The following RNF150 variants were observed in gnomAD, a reference collection of about 807,000 sequenced individuals.
RNF150 encodes the protein ring finger protein 150.
Under a neutral mutation model 39.3 loss-of-function variants are expected in RNF150, and 24 were observed. That is an observed-to-expected ratio of 0.61 (90% CI 0.44 to 0.86). The LOEUF (loss-of-function observed/expected upper bound fraction) is 0.86. Among genes scored for constraint, RNF150 ranks in the 40% least tolerant of loss-of-function variants. The probability of loss-of-function intolerance (pLI) is 0.00; values close to 1 mark genes in which losing one functional copy is unlikely to be tolerated. For missense variants in RNF150, 502 were observed against 587.8 expected, an observed-to-expected ratio of 0.85 and a Z score of 1.51; for synonymous variants, 255 against 227.3, an observed-to-expected ratio of 1.12 and a Z score of -1.10.
At chr4:140,956,807 G>C (rs907243860) in intron 2 of RNF150, among the ~76,000 whole-genome samples, 6 of 151,990 alleles carry the variant, frequency 3.9e-5, no homozygotes, top group Non-Finnish European at 7.4e-5. Flanking sequence ...AATGGGGAAA[G>C]GATTCCCTAT....
At chr4:140,916,093 G>GA (rs964992671) in intron 5 of RNF150, among the ~76,000 whole-genome samples, 2 of 151,752 alleles carry the variant, frequency 1.3e-5, no homozygotes, top group African/African-American at 4.8e-5. Flanking sequence ...AAAAGATGGG[G>GA]AAAAAACGGA....
At chr4:140,905,888 G>C (rs1409165050) in intron 6 of RNF150, among the ~76,000 whole-genome samples, 5 of 152,112 alleles carry the variant, frequency 3.3e-5, no homozygotes, top group Non-Finnish European at 5.9e-5. Flanking sequence ...GAGGTGAATG[G>C]GGTTAATGTG....
At chr4:140,920,439 C>T in intron 5 of RNF150, among the ~76,000 whole-genome samples, 1 of 135,958 alleles carries the variant, frequency 7.4e-6, no homozygotes, top group Non-Finnish European at 1.6e-5. Flanking sequence ...TGAAAAAACG[C>T]TCACCATCAC....
chr4:140,961,615 C>T (rs748834840), intron 2 of RNF150, among the ~76,000 whole-genome samples: 28 of 152,114 alleles, frequency 1.8e-4, no homozygotes, highest in Admixed American at 7.2e-4. Flanking sequence ...GGAACACTGG[C>T]CATTAAAGCA....
At chr4:140,999,665 C>T (rs1043002221) in intron 1 of RNF150, among the ~76,000 whole-genome samples, 5 of 152,068 alleles carry the variant, frequency 3.3e-5, no homozygotes, top group South Asian at 2.1e-4. Flanking sequence ...CCACGTGCGG[C>T]GGCTCACATC....
At chr4:141,183,206 G>A (rs1051064154) in intron 1 of RNF150, among the ~76,000 whole-genome samples, 1 of 152,068 alleles carries the variant, frequency 6.6e-6, no homozygotes, top group Admixed American at 6.6e-5. Context: ...TCTTCAAAGG[G>A]CTACATATTA....
At chr4:141,110,583 A>ATTTTTTTTT (rs1456859489) in intron 1 of RNF150, among the ~76,000 whole-genome samples, 1 of 149,558 alleles carries the variant, frequency 6.7e-6, no homozygotes, top group East Asian at 2.0e-4. Context: ...CTAATTTTTA[A>ATTTTTTTTT]TTTTTTTTTA....
chr4:140,999,119 C>A (rs1734485143), intron 1 of RNF150, among the ~76,000 whole-genome samples: 3 of 152,136 alleles, frequency 2.0e-5, no homozygotes, highest in Admixed American at 1.3e-4. Flanking sequence ...CTCTGAAAAT[C>A]CACATTTTAG....
intron 5 of RNF150, among the ~76,000 whole-genome samples, chr4:140,923,375 C>T (rs1731242393): frequency 6.6e-6 from 1 of 152,202 alleles, no homozygotes; most frequent in South Asian, 2.1e-4. Flanking sequence ...AAAAAATGCT[C>T]ACCATCACTG....
chr4:141,046,721 T>C (rs1213983384), intron 1 of RNF150, among the ~76,000 whole-genome samples: 1 of 152,316 alleles, frequency 6.6e-6, no homozygotes, highest in East Asian at 1.9e-4. Context: ...TTTCTCCACA[T>C]TTATTCCATT....
intron 6 of RNF150, among the ~76,000 whole-genome samples, chr4:140,910,371 ACTC>A (rs1259257025): frequency 6.6e-6 from 1 of 151,886 alleles, no homozygotes; most frequent in Non-Finnish European, 1.5e-5. Context: ...TTTTCTTAGA[ACTC>A]CTGAAGCTTT....
intron 1 of RNF150, among the ~76,000 whole-genome samples, chr4:141,128,258 T>C (rs1031925883): frequency 7.9e-5 from 12 of 152,310 alleles, no homozygotes; most frequent in African/African-American, 2.9e-4. Context: ...TTAAACACTG[T>C]ACATGCATTA....
chr4:141,003,067 C>T (rs1009296021), intron 1 of RNF150, among the ~76,000 whole-genome samples: 4 of 152,080 alleles, frequency 2.6e-5, no homozygotes, highest in African/African-American at 9.7e-5. Context: ...AATTAATTTA[C>T]AGACTCAGCT....
At chr4:141,004,705 G>A (rs1039807429) in intron 1 of RNF150, among the ~76,000 whole-genome samples, 2 of 152,032 alleles carry the variant, frequency 1.3e-5, no homozygotes, top group African/African-American at 4.8e-5. Context: ...TCCCCACTAG[G>A]TTATTTTTAT....
At chr4:140,978,780 T>TA (rs1193223543) in intron 1 of RNF150, among the ~76,000 whole-genome samples, 7 of 152,100 alleles carry the variant, frequency 4.6e-5, no homozygotes, top group Non-Finnish European at 1.0e-4. Context: ...AAATCAGTCT[T>TA]AAAAAATAAC....
chr4:141,134,471 A>G (rs1000805597), upstream of RNF150, among the ~76,000 whole-genome samples: 2 of 152,328 alleles, frequency 1.3e-5, no homozygotes, highest in Middle Eastern at 3.4e-3. Context: ...TTAAATTTAA[A>G]AAATGAAAGG....
chr4:141,153,751 A>G (rs6834272), intron 1 of RNF150, among the ~76,000 whole-genome samples: 80,440 of 152,014 alleles, frequency 0.53, 21,559 homozygotes, highest in East Asian at 0.81. Context: ...TTTCCCAACT[A>G]GATTGTGGGA....
chr4:140,952,157 C>T (rs894112983), intron 2 of RNF150, among the ~76,000 whole-genome samples: 3 of 151,894 alleles, frequency 2.0e-5, no homozygotes, highest in Non-Finnish European at 2.9e-5. Flanking sequence ...ATTACAGGTG[C>T]CCGCCACCAC....
intron 1 of RNF150, among the ~76,000 whole-genome samples, chr4:141,002,213 T>C (rs1219895681): frequency 6.6e-6 from 1 of 152,150 alleles, no homozygotes; most frequent in Non-Finnish European, 1.5e-5. Context: ...CAATTTTGAA[T>C]ATTAGAAATG....
Sources: gnomAD v4.1 joint callset for allele counts (sites outside exome capture counted in the v4.1 genomes callset) on GRCh38, gnomAD v4.1.1 for gene constraint, MANE v1.5 for transcripts, NCBI Gene and HGNC (gene_info 2026-07-23, HGNC 2026-07-21) for gene names.